Variants in PRICKLE2 observed in about 807,000 individuals in gnomAD.
The protein encoded by PRICKLE2 is prickle planar cell polarity protein 2.
In PRICKLE2, 21 loss-of-function variants were observed where a neutral mutation model predicts 81.4. That is an observed-to-expected ratio of 0.26 (90% CI 0.18 to 0.37). The LOEUF (loss-of-function observed/expected upper bound fraction) is 0.37, where lower values mean the gene tolerates loss of function less well. Among genes scored for constraint, PRICKLE2 ranks in the 10% least tolerant of loss-of-function variants. The probability of loss-of-function intolerance (pLI) is 1.00; values close to 1 mark genes in which losing one functional copy is unlikely to be tolerated. For missense variants in PRICKLE2, 940 were observed against 1,109.0 expected (o/e 0.85, Z 2.16); for synonymous variants, 456 against 421.5 (o/e 1.08, Z -1.00).
intron 2 of PRICKLE2, among the ~76,000 whole-genome samples, chr3:64,255,884 C>T (rs2079517756): frequency 6.6e-6 from 1 of 152,162 alleles, no homozygotes. Context: ...TGCTTCCCTG[C>T]CTTTTTTCTT....
chr3:64,139,727 CT>C (rs2107001723), intron 7 of PRICKLE2, among the ~76,000 whole-genome samples: 1 of 152,286 alleles, frequency 6.6e-6, no homozygotes, highest in East Asian at 1.9e-4. Context: ...CTGGCCCTTG[CT>C]TTCCTTCCAA....
chr3:64,198,687 G>C (rs1367641256), intron 2 of PRICKLE2, 97 bp downstream of exon 2: 3 of 1,353,302 alleles, frequency 2.2e-6, no homozygotes, highest in Non-Finnish European at 3.2e-6. Flanking sequence ...CTCTGAATCA[G>C]CAAAGTCTAC....
chr3:64,264,167 AG>A (rs1248942904), intron 2 of PRICKLE2, among the ~76,000 whole-genome samples: 1 of 152,088 alleles, frequency 6.6e-6, no homozygotes, highest in African/African-American at 2.4e-5. Flanking sequence ...TTGTAGGTCC[AG>A]GTCCCCCGCA....
In PRICKLE2 at chr3:64,147,753, C is replaced by A; in HGVS notation, c.788-51G>T. On this transcript the variant is annotated intron_variant, in intron 6 of 7. Coordinates refer to ENST00000638394, the MANE Select transcript of PRICKLE2 (RefSeq NM_198859.4). The surrounding 1 kb of genome is among the most constrained non-coding windows in gnomAD (Gnocchi z 5.0). ...GGCTGATGAGCTGCTCAGAGCTCTG[C>A]ACTGGGACGTGAAACACATAGCACC... 2 of 1,603,118 alleles carry A rather than the reference C, an allele frequency of 1.2e-6. No individual in the cohort carries two copies. The highest frequency in any genetic ancestry group is 1.7e-6 in the Non-Finnish European group (2 of 1,171,422).
chr3:64,107,778 A>G (rs1466370225), intron 7 of PRICKLE2, among the ~76,000 whole-genome samples: 1 of 152,202 alleles, frequency 6.6e-6, no homozygotes, highest in African/African-American at 2.4e-5. Flanking sequence ...ACAGTGAGCT[A>G]TGATGACACC....
intron 7 of PRICKLE2, among the ~76,000 whole-genome samples, chr3:64,122,523 C>T (rs182988459): frequency 6.8e-4 from 104 of 152,310 alleles, no homozygotes; most frequent in African/African-American, 2.3e-3. Context: ...CAAAAAATGA[C>T]TGCTTTGAAG....
intron 2 of PRICKLE2, among the ~76,000 whole-genome samples, chr3:64,172,475 C>A (rs1294969939): frequency 6.6e-6 from 1 of 152,216 alleles, no homozygotes. Context: ...GTAACACTTA[C>A]CATCTGCATG....
At chr3:64,159,106 C>G (rs1310368902) in intron 4 of PRICKLE2, among the ~76,000 whole-genome samples, 1 of 152,138 alleles carries the variant, frequency 6.6e-6, no homozygotes, top group East Asian at 1.9e-4. Flanking sequence ...TTCACCACAC[C>G]CTGAGCACTC....
intron 2 of PRICKLE2, among the ~76,000 whole-genome samples, chr3:64,194,843 A>T (rs1177491791): frequency 4.6e-5 from 7 of 152,034 alleles, no homozygotes; most frequent in African/African-American, 1.7e-4. Flanking sequence ...GGAGTTCAAG[A>T]CCAGCCTGGG....
chr3:64,140,314 A>G (rs140413284), intron 7 of PRICKLE2, among the ~76,000 whole-genome samples: 40 of 152,334 alleles, frequency 2.6e-4, no homozygotes, highest in Non-Finnish European at 4.3e-4. Flanking sequence ...CTATTCTGCT[A>G]TAACTCACAG....
intron 2 of PRICKLE2, among the ~76,000 whole-genome samples, chr3:64,239,871 T>C (rs1174159131): frequency 6.8e-6 from 1 of 147,158 alleles, no homozygotes; most frequent in Non-Finnish European, 1.5e-5. Flanking sequence ...TCCCAGTACA[T>C]TGGGAGGCCA....
intron 7 of PRICKLE2, 121 bp from the exon 8 acceptor site, chr3:64,100,046 A>C: frequency 2.7e-6 from 3 of 1,124,814 alleles, no homozygotes; most frequent in Non-Finnish European, 3.9e-6. Context: ...GTACTGCACA[A>C]AGGCCCTCTC....
chr3:64,239,510 C>A (rs993524422), intron 2 of PRICKLE2, among the ~76,000 whole-genome samples: 2 of 152,196 alleles, frequency 1.3e-5, no homozygotes, highest in Non-Finnish European at 2.9e-5. Flanking sequence ...CCACCAGGTG[C>A]TATCCACAGA....
Position 64,114,075 on chromosome 3 carries a change from AAG to A in PRICKLE2, c.1661-14152_1661-14151del, listed in dbSNP as rs888867756. 7.2e-5 allele frequency among the ~76,000 whole-genome samples: 11 copies of A among 152,290 alleles called. 1 individual carries two copies. The highest frequency in any genetic ancestry group is 2.2e-4 in the African/African-American group (9 of 41,552). On this transcript the variant is annotated intron_variant, in intron 7 of 7. Transcript: ENST00000638394. ...GGGCCCAATACAAGTCCCCCAGAGT[AAG>A]AGCACAGTCTAGCAGTTGGGAGCTG...
chr3:64,254,942 T>C (rs1372143168), intron 2 of PRICKLE2, among the ~76,000 whole-genome samples: 2 of 152,202 alleles, frequency 1.3e-5, no homozygotes, highest in Non-Finnish European at 2.9e-5. Flanking sequence ...CCCTACAGGA[T>C]TGTTGTGAGA....
intron 2 of PRICKLE2, among the ~76,000 whole-genome samples, chr3:64,168,043 C>A (rs2077864963): frequency 6.6e-6 from 1 of 152,128 alleles, no homozygotes; most frequent in South Asian, 2.1e-4. Flanking sequence ...TTGGACCTCA[C>A]CCAATTTTTC....
intron 3 of PRICKLE2, among the ~76,000 whole-genome samples, chr3:64,161,717 A>T (rs995810135): frequency 3.3e-4 from 11 of 32,888 alleles, no homozygotes; most frequent in African/African-American, 1.7e-3. Flanking sequence ...AAAAGAGTTA[A>T]AAAAAAAAAA....
At chr3:64,125,701 G>C (rs1310729761) in intron 7 of PRICKLE2, among the ~76,000 whole-genome samples, 1 of 152,220 alleles carries the variant, frequency 6.6e-6, no homozygotes, top group Non-Finnish European at 1.5e-5. Flanking sequence ...ATAGACTACA[G>C]TATAATGTAA....
intron 2 of PRICKLE2, among the ~76,000 whole-genome samples, chr3:64,252,099 A>C (rs557960263): frequency 6.6e-6 from 1 of 152,322 alleles, no homozygotes; most frequent in African/African-American, 2.4e-5. Context: ...AATCAACCCA[A>C]CATGGTCTAA....
Sources: allele counts gnomAD v4.1 joint callset (sites outside exome capture counted in the v4.1 genomes callset), GRCh38; gene constraint gnomAD v4.1.1; non-coding constraint Gnocchi (gnomAD v3.1); transcripts MANE v1.5; gene names NCBI Gene and HGNC (gene_info 2026-07-23, HGNC 2026-07-21).